SMIM23: variants seen among roughly 807,000 people sequenced by gnomAD.
The protein encoded by SMIM23 is CTB-78H18.1.
Under a neutral mutation model 12.8 loss-of-function variants are expected in SMIM23, and 10 were observed. That is an observed-to-expected ratio of 0.78 (90% CI 0.48 to 1.32). SMIM23 has a LOEUF of 1.32. Among genes scored for constraint, SMIM23 ranks in the 40% most tolerant of loss-of-function variants. The probability of loss-of-function intolerance (pLI) is 0.00; values close to 1 mark genes in which losing one functional copy is unlikely to be tolerated. For missense variants in SMIM23, 184 were observed against 198.2 expected (o/e 0.93, Z 0.43); for synonymous variants, 78 against 80.1 (o/e 0.97, Z 0.14).
At chr5:171,787,115 G>T (rs1275457074) in intron 1 of SMIM23, among the ~76,000 whole-genome samples, 1 of 143,528 alleles carries the variant, frequency 7.0e-6, no homozygotes, top group Non-Finnish European at 1.5e-5. Flanking sequence ...CTCCTCCTGG[G>T]TTCAAGTGAT....
At chr5:171,775,289 AG>A in the SMIM23 span, among the ~76,000 whole-genome samples, 27 of 152,278 alleles carry the variant, frequency 1.8e-4, no homozygotes, top group Middle Eastern at 3.4e-3. Flanking sequence ...ATAGACCAGG[AG>A]GGCGCTGCCT....
chr5:171,788,073 A>G lies in SMIM23; in HGVS notation c.105+2097A>G, dbSNP rs1469527334. ...TGTCACTTCACATACTTGGGTGTGT[A>G]AGAAATTTATTCTTTCTTTAAGGCA... On this transcript the variant is annotated intron_variant, in intron 1 of 3. Transcript: ENST00000523047. Among the ~76,000 whole-genome samples the G allele has an allele frequency of 4.6e-5, 7 of 151,334 alleles. No homozygotes were observed. The South Asian group carries it at 1.0e-3, about 23-fold the overall frequency.
intron 1 of SMIM23, 73 bp downstream of exon 1, chr5:171,786,049 T>C: frequency 8.2e-7 from 1 of 1,218,694 alleles, no homozygotes; most frequent in Non-Finnish European, 1.2e-6. Flanking sequence ...AGACTAGAAG[T>C]CCCTCAAAGC....
At chr5:171,782,640 T>G (rs1755748574), upstream of SMIM23, 1 of 152,216 alleles carries the variant, frequency 6.6e-6, no homozygotes, top group Non-Finnish European at 1.5e-5. Context: ...CCTGCTTTAC[T>G]CATTCGGCAA....
At chr5:171,788,408 CA>C (rs1400824346) in intron 1 of SMIM23, among the ~76,000 whole-genome samples, 2 of 151,924 alleles carry the variant, frequency 1.3e-5, no homozygotes, top group Non-Finnish European at 2.9e-5. Context: ...ATAGACTCAA[CA>C]AAAAACATAC....
At chr5:171,773,664 G>T in the SMIM23 span, 3 of 397,986 alleles carry the variant, frequency 7.5e-6, no homozygotes, top group Non-Finnish European at 1.5e-5. Flanking sequence ...ATGCCCTCAA[G>T]ACCAGGCAGG....
Position 171,790,489 on chromosome 5 carries a change from T to G in SMIM23, c.165T>G (p.Ser55Arg). 2 of 1,536,660 alleles carry G rather than the reference T, an allele frequency of 1.3e-6. No individual in the cohort carries two copies. Among genetic ancestry groups the G allele is most frequent in the Non-Finnish European group, 1.7e-6 (2 of 1,147,034 alleles). The change falls in exon 3 of 4, where the codon AGT (serine) becomes AGG (arginine). Residue 55 changes from serine (S) to arginine (R), a missense_variant. Transcript: ENST00000523047. ...LYLSTEIWGS[S>R]WEVSERIREC... ...TGTTTGTGCCTGTTTCAGGAAGCAG[T>G]TGGGAGGTGTCAGAAAGGATCAGAG...
upstream of SMIM23, among the ~76,000 whole-genome samples, chr5:171,780,341 G>C (rs1315764176): frequency 6.6e-6 from 1 of 152,048 alleles, no homozygotes; most frequent in African/African-American, 2.4e-5. Context: ...GAAGCACCCA[G>C]TGCTGTACTA....
At chr5:171,776,630 A>G in the SMIM23 span, among the ~76,000 whole-genome samples, 1 of 152,088 alleles carries the variant, frequency 6.6e-6, no homozygotes, top group Non-Finnish European at 1.5e-5. Context: ...CATCATCTCT[A>G]TGCCCATGTA....
intron 3 of SMIM23, 115 bp from the exon 4 acceptor site, chr5:171,790,680 G>A (rs1561592455): frequency 1.1e-5 from 15 of 1,370,476 alleles, no homozygotes; most frequent in East Asian, 2.5e-5. Context: ...CAGGTACTAC[G>A]AGCACAATGA....
intron 1 of SMIM23, among the ~76,000 whole-genome samples, chr5:171,789,956 T>C (rs1265307907): frequency 1.3e-5 from 2 of 152,262 alleles, no homozygotes; most frequent in Non-Finnish European, 2.9e-5. Flanking sequence ...TATACCACAA[T>C]GAAGTTGATT....
chr5:171,784,905 T>TCCCC (rs1755787392), upstream of SMIM23, among the ~76,000 whole-genome samples: 1 of 152,208 alleles, frequency 6.6e-6, no homozygotes, highest in Non-Finnish European at 1.5e-5. Flanking sequence ...CAGGGAATTA[T>TCCCC]ACTATGTTTT....
intron 1 of SMIM23, among the ~76,000 whole-genome samples, chr5:171,788,968 T>C (rs1311791735): frequency 6.6e-6 from 1 of 152,200 alleles, no homozygotes; most frequent in African/African-American, 2.4e-5. Flanking sequence ...GCCTCCCGAG[T>C]AGCTGGAATT....
chr5:171,790,572 G>T, intron 3 of SMIM23, 23 bp downstream of exon 3: 1 of 1,534,468 alleles, frequency 6.5e-7, no homozygotes, highest in Non-Finnish European at 8.7e-7. Flanking sequence ...GCAAGGTACT[G>T]AGGTGAGGCA....
chr5:171,772,890 C>G, the SMIM23 span, among the ~76,000 whole-genome samples: 1 of 152,216 alleles, frequency 6.6e-6, no homozygotes, highest in Non-Finnish European at 1.5e-5. Context: ...TGGTTTGACT[C>G]TTTGATTGGA....
At chr5:171,775,965 G>A in the SMIM23 span, among the ~76,000 whole-genome samples, 3 of 152,132 alleles carry the variant, frequency 2.0e-5, no homozygotes, top group Non-Finnish European at 2.9e-5. Context: ...TCCACCTCCC[G>A]GGTTCAAGCG....
intron 1 of SMIM23, among the ~76,000 whole-genome samples, chr5:171,787,532 G>A (rs1334322968): frequency 6.6e-6 from 1 of 152,182 alleles, no homozygotes; most frequent in East Asian, 1.9e-4. Flanking sequence ...CATTGATAGA[G>A]GACTGGTTAG....
the SMIM23 span, among the ~76,000 whole-genome samples, chr5:171,776,114 A>G: frequency 3.9e-5 from 6 of 152,068 alleles, no homozygotes; most frequent in African/African-American, 1.4e-4. Context: ...CAGGTGATCC[A>G]CCCGCCTTGG....
upstream of SMIM23, among the ~76,000 whole-genome samples, chr5:171,783,750 G>T (rs1317635316): frequency 6.6e-6 from 1 of 152,232 alleles, no homozygotes; most frequent in Non-Finnish European, 1.5e-5. Flanking sequence ...TCCATGTGAT[G>T]AAGTTGAAAA....
Sources: gnomAD v4.1 joint callset for allele counts (sites outside exome capture counted in the v4.1 genomes callset) on GRCh38, gnomAD v4.1.1 for gene constraint, MANE v1.5 for transcripts, NCBI Gene and HGNC (gene_info 2026-07-23, HGNC 2026-07-21) for gene names.